The following GRIN2D variants were observed in gnomAD, a reference collection of about 807,000 sequenced individuals.
GRIN2D encodes the protein glutamate ionotropic receptor NMDA type subunit 2D, also known as glutamate receptor ionotropic, NMDA 2D.
In GRIN2D, 37 loss-of-function variants were observed where a neutral mutation model predicts 103.2. That is an observed-to-expected ratio of 0.36 (90% CI 0.28 to 0.47). The LOEUF (loss-of-function observed/expected upper bound fraction) is 0.47, where lower values mean the gene tolerates loss of function less well. Ranked by LOEUF, GRIN2D falls within the 20% of genes least tolerant of loss-of-function variation. The pLI, the probability that GRIN2D is intolerant of heterozygous loss-of-function variation, is 1.00. For synonymous variants in GRIN2D, 845 were observed against 885.6 expected (o/e 0.95, Z 0.81); for missense variants, 1,557 against 1,910.6 (o/e 0.81, Z 3.45).
At position 48,416,060 on chromosome 19, in the gene GRIN2D, C is replaced by G; in HGVS notation, c.1640C>G (p.Ser547Cys). 1 of 1,614,038 alleles carries G rather than the reference C, an allele frequency of 6.2e-7. No homozygotes were observed. Among genetic ancestry groups the G allele is most frequent in the Middle Eastern group, 1.6e-4 (1 of 6,062 alleles). Residue 547 changes from serine (S) to cysteine (C), a missense_variant, in exon 8 of 14, where the codon TCC becomes TGC. Ser to Cys is a moderately radical substitution (Grantham distance 112). Around this residue, in one of 7 missense-constraint regions of GRIN2D, gnomAD observed 197 missense variants for 334.1 expected, o/e 0.59. Transcript: ENST00000263269. Reference protein sequence around the residue: ...IGSLTINEERSEIVDFSVPFV... With the variant: ...IGSLTINEERCEIVDFSVPFV... ...TCCCTCACCATCAACGAGGAGCGCTCCGAGATCGTGGACTTCTCCGTCCCC... is the reference window on the plus strand; with the variant it reads ...TCCCTCACCATCAACGAGGAGCGCTGCGAGATCGTGGACTTCTCCGTCCCC...
Position 48,438,287 on chromosome 19 carries a change from C to CTTTTTT in GRIN2D, c.2253-3458_2253-3453dup, listed in dbSNP as rs71181697. 9.0e-4 allele frequency among the ~76,000 whole-genome samples: 52 copies of CTTTTTT among 57,754 alleles called. 7 individuals carry two copies. Among genetic ancestry groups the CTTTTTT allele is most frequent in the Admixed American group, 1.1e-3 (4 of 3,544 alleles). 37.9% of individuals were successfully genotyped at this position (57,754 alleles called of 152,430 possible). A position where few individuals can be genotyped will look rare whatever the true frequency, so the allele number is the denominator to read the frequency against. On this transcript the variant is annotated intron_variant, in intron 11 of 13. Transcript: ENST00000263269. The stretch of plus-strand genomic sequence containing the variant: ...TCTCTTCAACTCAGCATCCAGCCGC[C>CTTTTTT]TTTTTTTTTTTTTTTTTTTTTTTTT...
At chr19:48,429,860 G>T (rs1971134956) in intron 11 of GRIN2D, among the ~76,000 whole-genome samples, 3 of 151,758 alleles carry the variant, frequency 2.0e-5, no homozygotes, top group African/African-American at 7.3e-5. Context: ...TGCCTGGAAA[G>T]AATTTTATCT....
At position 48,414,342 on chromosome 19, in the gene GRIN2D, G is replaced by A. The variant is rs1359769257; in HGVS notation, c.1201-31G>A. ...CAGGATACACCGGGAAGTCTTCCCAGGAAGCCTGACTCTCTTTCCCTTTGG... is the reference window on the plus strand; with the variant it reads ...CAGGATACACCGGGAAGTCTTCCCAAGAAGCCTGACTCTCTTTCCCTTTGG... On this transcript the variant is annotated intron_variant, in intron 5 of 13. Coordinates refer to ENST00000263269, the MANE Select transcript of GRIN2D (RefSeq NM_000836.4). The surrounding 1 kb of genome is among the most constrained non-coding windows in gnomAD (Gnocchi z 4.6). 1 of 1,552,686 alleles carries A rather than the reference G, an allele frequency of 6.4e-7. No homozygotes were observed. Among genetic ancestry groups the A allele is most frequent in the Non-Finnish European group, 8.7e-7 (1 of 1,143,588 alleles).
intron 7 of GRIN2D, among the ~76,000 whole-genome samples, chr19:48,415,758 G>A (rs1970939554): frequency 6.6e-6 from 1 of 152,036 alleles, no homozygotes; most frequent in Non-Finnish European, 1.5e-5. Flanking sequence ...AGGCCTTGAG[G>A]TCTTGCTGGG....
Position 48,398,662 on chromosome 19 carries a change from G to A in GRIN2D, c.270G>A (p.Val90=). Residue 90 remains valine (V), a synonymous_variant, in exon 3 of 14, where the codon GTG becomes GTA. Coordinates refer to ENST00000263269, the MANE Select transcript of GRIN2D (RefSeq NM_000836.4). ...TAGACGTGCGGCCCGTGGCGCTGGT[G>A]CTCAACGGCTCGGACCCGCGCAGCC... ...PGLDVRPVAL[V]LNGSDPRSLV... 1.4e-6 allele frequency: 2 copies of A among 1,450,292 alleles called. No individual in the cohort carries two copies. Among genetic ancestry groups the A allele is most frequent in the Non-Finnish European group, 1.8e-6 (2 of 1,104,156 alleles). The allele number at this position is 1,450,292 out of a possible 1,614,324, so 89.8% of individuals were successfully genotyped here.
chr19:48,402,806 A>AGAGAGAGAGAC (rs1970735217), intron 3 of GRIN2D, among the ~76,000 whole-genome samples: 1 of 115,982 alleles, frequency 8.6e-6, no homozygotes, highest in South Asian at 3.1e-4. Flanking sequence ...GAGAGAGAGA[A>AGAGAGAGAGAC]TAGGGAACAG....
chr19:48,398,087 CCTCT>C (rs754651089), intron 2 of GRIN2D, among the ~76,000 whole-genome samples: 1 of 151,268 alleles, frequency 6.6e-6, no homozygotes, highest in Non-Finnish European at 1.5e-5. Context: ...TCCGTCTCCC[CCTCT>C]CTCTCCCCTC....
At chr19:48,412,090 G>C (rs1043744017) in intron 4 of GRIN2D, among the ~76,000 whole-genome samples, 4 of 151,936 alleles carry the variant, frequency 2.6e-5, no homozygotes, top group African/African-American at 9.7e-5. Context: ...ACTTTGGAAG[G>C]CCGAGGCAGG....
Position 48,443,001 on chromosome 19 carries a change from C to G in GRIN2D, c.3075C>G (p.Pro1025=), listed in dbSNP as rs1038807782. The change falls in exon 14 of 14, where the codon CCC becomes CCG. Residue 1025 remains proline, a synonymous_variant. Transcript: ENST00000263269. The surrounding 1 kb of genome is among the most constrained non-coding windows in gnomAD (Gnocchi z 8.9). Reference sequence around the variant, plus strand: ...CCGAGCCCCCCGCCGGCGCCTTCCCCGGCTTCCCGTCGCCGCCCGCGCCCC... The same window carrying G: ...CCGAGCCCCCCGCCGGCGCCTTCCCGGGCTTCCCGTCGCCGCCCGCGCCCC... ...EPAEPPAGAF[P]GFPSPPAPPA... 1.4e-5 allele frequency: 15 copies of G among 1,088,136 alleles called. No homozygotes were observed. The African/African-American group carries it at 1.9e-4, about 14-fold the overall frequency. The allele number at this position is 1,088,136 out of a possible 1,614,324, so 67.4% of individuals were successfully genotyped here. A position where few individuals can be genotyped will look rare whatever the true frequency, so the allele number is the denominator to read the frequency against.
chr19:48,401,281 G>A (rs1337122845), intron 3 of GRIN2D, among the ~76,000 whole-genome samples: 1 of 151,942 alleles, frequency 6.6e-6, no homozygotes, highest in Non-Finnish European at 1.5e-5. Flanking sequence ...AAGAGAGGGA[G>A]ACAAGGTCCC....
Position 48,443,014 on chromosome 19 carries a change from C to T in GRIN2D, c.3088C>T (p.Pro1030Ser). 9.4e-7 allele frequency: 1 copy of T among 1,069,254 alleles called. No individual in the cohort carries two copies. The allele number at this position is 1,069,254 out of a possible 1,614,324, so 66.2% of individuals were successfully genotyped here. A position where few individuals can be genotyped will look rare whatever the true frequency, so the allele number is the denominator to read the frequency against. ...CGGCGCCTTCCCCGGCTTCCCGTCG[C>T]CGCCCGCGCCCCCCGCCGCCGCGGC... ...PAGAFPGFPS[P>S]PAPPAAAATA... Residue 1030 changes from proline to serine, a missense_variant, in exon 14 of 14, where the codon CCG becomes TCG. By Grantham distance (74) the Pro-to-Ser change is moderately conservative. Coordinates refer to ENST00000263269, the MANE Select transcript of GRIN2D (RefSeq NM_000836.4). This position sits in a 1 kb window ranked among gnomAD's most constrained non-coding sequence, Gnocchi z 8.9.
At position 48,443,592 on chromosome 19, in the gene GRIN2D, C is replaced by A; in HGVS notation, c.3666C>A (p.Arg1222=). The change falls in exon 14 of 14, where the codon CGC becomes CGA. Residue 1222 remains arginine (R), a synonymous_variant. Transcript: ENST00000263269. The surrounding 1 kb of genome is among the most constrained non-coding windows in gnomAD (Gnocchi z 8.9). ...PPWAAGPLPR[R]RARCGCPRSH... is the part of the protein sequence containing the mutation. ...GGGCCGCCGGGCCCCTGCCCCGACG[C>A]CGGGCCCGCTGCGGGTGCCCGCGGT... 1 of 1,167,976 alleles carries A rather than the reference C, an allele frequency of 8.6e-7. No homozygotes were observed. The highest frequency in any genetic ancestry group is 1.6e-5 in the African/African-American group (1 of 61,286). 72.4% of individuals were successfully genotyped at this position (1,167,976 alleles called of 1,614,324 possible).
intron 3 of GRIN2D, among the ~76,000 whole-genome samples, chr19:48,400,171 C>A (rs1195713306): frequency 6.6e-6 from 1 of 152,044 alleles, no homozygotes; most frequent in Non-Finnish European, 1.5e-5. Flanking sequence ...TTGTAGCGGA[C>A]CTCTGGTAGA....
chr19:48,421,325 G>A lies in GRIN2D; in HGVS notation c.2092-460G>A, dbSNP rs149674946. Among the ~76,000 whole-genome samples the A allele has an allele frequency of 0.027, 4,128 of 152,166 alleles. 172 individuals are homozygous for A. Among genetic ancestry groups the A allele is most frequent in the African/African-American group, 0.095 (3,920 of 41,474 alleles). On this transcript the variant is annotated intron_variant, in intron 10 of 13. Transcript: ENST00000263269. This position sits in a 1 kb window ranked among gnomAD's most constrained non-coding sequence, Gnocchi z 4.8. The stretch of plus-strand genomic sequence containing the variant: ...TGCCTGTAATCCCAGCTACTCGGGA[G>A]GCTGAGGCAGGAGAATCAGTTGAAC...
At position 48,416,142 on chromosome 19, in the gene GRIN2D, C is replaced by T; in HGVS notation, c.1722C>T (p.Pro574=). The T allele has an allele frequency of 6.2e-7, 1 of 1,613,754 alleles. No individual in the cohort carries two copies. Among genetic ancestry groups the T allele is most frequent in the Admixed American group, 1.7e-5 (1 of 60,008 alleles). ...MVARSNGTVS[P]SAFLEPYSPA... is the part of the protein sequence containing the mutation. The stretch of plus-strand genomic sequence containing the variant: ...CGCGCAGCAATGGCACGGTGTCCCC[C>T]TCGGCCTTCCTCGGTAATCTGGGGC... The change falls in exon 8 of 14, where the codon CCC becomes CCT. Residue 574 remains proline, a synonymous_variant. Coordinates refer to ENST00000263269, the MANE Select transcript of GRIN2D (RefSeq NM_000836.4).
intron 9 of GRIN2D, 42 bp downstream of exon 9, chr19:48,419,401 A>G: frequency 1.3e-6 from 2 of 1,576,138 alleles, no homozygotes; most frequent in Non-Finnish European, 1.7e-6. Flanking sequence ...GAGATCCCGA[A>G]CCACAGAGAC....
rs752676914 is a variant in GRIN2D at position 48,415,043 on chromosome 19, G to T, written c.1581+11G>T. 2.6e-6 allele frequency: 4 copies of T among 1,567,034 alleles called. No individual in the cohort carries two copies. Among genetic ancestry groups the T allele is most frequent in the Non-Finnish European group, 3.5e-6 (4 of 1,152,240 alleles). ...GGCATGATCGGGGAGGTGAGGGGGC[G>T]GACGGGAGGCGGGGAATCTTCGGGG... is the stretch of plus-strand genomic sequence containing the variant. On this transcript the variant is annotated intron_variant, in intron 7 of 13. Coordinates refer to ENST00000263269, the MANE Select transcript of GRIN2D (RefSeq NM_000836.4).
intron 2 of GRIN2D, among the ~76,000 whole-genome samples, chr19:48,395,403 T>C (rs956263462): frequency 6.6e-6 from 1 of 151,020 alleles, no homozygotes; most frequent in African/African-American, 2.4e-5. Flanking sequence ...CCAGCACCCC[T>C]CGCCCCAAGC....
chr19:48,442,906 C>T lies in GRIN2D; in HGVS notation c.2980C>T (p.Pro994Ser). Residue 994 changes from proline (P) to serine (S), a missense_variant, in exon 14 of 14, where the codon CCG (proline) becomes TCG (serine). Physicochemically the swap from Pro to Ser is moderately conservative, Grantham distance 74. Transcript: ENST00000263269. This position sits in a 1 kb window ranked among gnomAD's most constrained non-coding sequence, Gnocchi z 7.2. Reference sequence around the variant, plus strand: ...GGGCGCAGCCGGGCGCCCGCTGTCCCCGCCGGCCGCTCAGCCCCCGCAGAA... The same window carrying T: ...GGGCGCAGCCGGGCGCCCGCTGTCCTCGCCGGCCGCTCAGCCCCCGCAGAA... ...PRGAAGRPLS[P>S]PAAQPPQKPP... 2 of 1,104,996 alleles carry T rather than the reference C, an allele frequency of 1.8e-6. No homozygotes were observed. The highest frequency in any genetic ancestry group is 2.2e-6 in the Non-Finnish European group (2 of 908,116). 68.4% of individuals were successfully genotyped at this position (1,104,996 alleles called of 1,614,324 possible). A position where few individuals can be genotyped will look rare whatever the true frequency, so the allele number is the denominator to read the frequency against.
Sources: allele counts gnomAD v4.1 joint callset (sites outside exome capture counted in the v4.1 genomes callset), GRCh38; gene constraint gnomAD v4.1.1; regional missense constraint gnomAD v4.1.1; non-coding constraint Gnocchi (gnomAD v3.1); transcripts MANE v1.5; gene names NCBI Gene and HGNC (gene_info 2026-07-23, HGNC 2026-07-21).